Variants in EIF5B observed in about 807,000 individuals in gnomAD.
EIF5B encodes the protein eIF-5B.
A neutral mutation model predicts 147.5 loss-of-function variants in EIF5B; 47 were observed. That is an observed-to-expected ratio of 0.32 (90% CI 0.25 to 0.41). The LOEUF is 0.41. EIF5B is among the 10% of genes least tolerant of loss of function. The pLI is 1.00. For synonymous variants in EIF5B, 455 were observed against 456.2 expected, an observed-to-expected ratio of 1.00 and a Z score of 0.03; for missense variants, 1,064 against 1,413.2, an observed-to-expected ratio of 0.75 and a Z score of 3.96.
At chr2:99,351,570 G>C (rs1353634636) in intron 1 of EIF5B, among the ~76,000 whole-genome samples, 1 of 152,108 alleles carries the variant, frequency 6.6e-6, no homozygotes, top group East Asian at 1.9e-4. Flanking sequence ...TGCCATTTTT[G>C]CATTCCCTCT....
chr2:99,369,204 G>A (rs1011525319), intron 7 of EIF5B, among the ~76,000 whole-genome samples, 188 bp from the exon 8 acceptor site: 5 of 152,206 alleles, frequency 3.3e-5, no homozygotes, highest in African/African-American at 7.2e-5. Flanking sequence ...AACCCGGGAG[G>A]TGGAGGTTGC....
At chr2:99,381,959 A>AT (rs138559170) in intron 12 of EIF5B, among the ~76,000 whole-genome samples, 200 bp from the exon 13 acceptor site, 1,643 of 152,224 alleles carry the variant, frequency 0.011, 27 homozygotes, top group African/African-American at 0.036. Context: ...CTCATTTAGT[A>AT]TTTTTTTGTT....
chr2:99,390,241 A>T lies in EIF5B; in HGVS notation c.2426A>T (p.Tyr809Phe), dbSNP rs373903572. ...TAGGGTTTGAATGCTGCTTTGTTTT[A>T]TGAGAATAAAGATCCCCGCACTTTT... The part of the protein sequence containing the change: ...AQQGLNAALF[Y>F]ENKDPRTFVS... The change falls in exon 16 of 24, where the codon TAT becomes TTT. Residue 809 changes from tyrosine to phenylalanine, a missense_variant. By Grantham distance (22) the Tyr-to-Phe change is conservative. Around this residue, in one of 4 missense-constraint regions of EIF5B, gnomAD observed 380 missense variants for 715.6 expected, o/e 0.53. Coordinates refer to ENST00000289371, the MANE Select transcript of EIF5B (RefSeq NM_015904.4). The T allele has an allele frequency of 4.3e-6, 7 of 1,613,824 alleles. No individual in the cohort carries two copies. The African/African-American group carries it at 9.4e-5, about 22-fold the overall frequency.
At position 99,389,608 on chromosome 2, in the gene EIF5B, C is replaced by T; in HGVS notation, c.2272-110C>T. On this transcript the variant is annotated intron_variant, in intron 14 of 23. Coordinates refer to ENST00000289371, the MANE Select transcript of EIF5B (RefSeq NM_015904.4). ...TACAATAAAGTGTATGAGTAAGTCA[C>T]ACTGTTCTGTATATATGAGACACAC... is the stretch of plus-strand genomic sequence containing the variant. The T allele has an allele frequency of 6.7e-6, 5 of 747,090 alleles. No individual in the cohort carries two copies. In the South Asian group the frequency reaches 1.6e-4, roughly 23 times the overall value. The allele number at this position is 747,090 out of a possible 1,614,324, so 46.3% of individuals were successfully genotyped here.
chr2:99,376,724 C>T, intron 10 of EIF5B, 88 bp downstream of exon 10: 2 of 1,467,600 alleles, frequency 1.4e-6, no homozygotes. Context: ...CTTTGAACAG[C>T]ACTTTATGTA....
chr2:99,365,088 A>G (rs1405560010), intron 6 of EIF5B, among the ~76,000 whole-genome samples: 1 of 152,226 alleles, frequency 6.6e-6, no homozygotes. Flanking sequence ...TCCAATGAGA[A>G]GAATATATTG....
chr2:99,361,275 A>C lies in EIF5B; in HGVS notation c.374A>C (p.Lys125Thr). The change falls in exon 4 of 24, where the codon AAG becomes ACG. Residue 125 changes from lysine to threonine, a missense_variant. By Grantham distance (78) the Lys-to-Thr change is moderately conservative. Transcript: ENST00000289371. ...GAAGATAAAGATTCAAAATCAAAAAAGACTGCAAAACCGAAAGTGGAAATG... is the reference window on the plus strand; with the variant it reads ...GAAGATAAAGATTCAAAATCAAAAACGACTGCAAAACCGAAAGTGGAAATG... Reference protein sequence around the residue: ...ELEDKDSKSKKTAKPKVEMYS... With the variant: ...ELEDKDSKSKTTAKPKVEMYS... The C allele has an allele frequency of 6.2e-7, 1 of 1,613,006 alleles. No homozygotes were observed. The highest frequency in any genetic ancestry group is 2.2e-5 in the East Asian group (1 of 44,846).
chr2:99,342,965 T>TTTCC (rs1178328808), intron 1 of EIF5B, among the ~76,000 whole-genome samples: 1 of 151,182 alleles, frequency 6.6e-6, no homozygotes, highest in African/African-American at 2.4e-5. Flanking sequence ...TCTTTCTTTC[T>TTTCC]TTCTTTTTTT....
intron 1 of EIF5B, among the ~76,000 whole-genome samples, 171 bp from the exon 2 acceptor site, chr2:99,360,065 G>A (rs192142069): frequency 2.6e-5 from 4 of 152,318 alleles, no homozygotes; most frequent in Admixed American, 2.6e-4. Flanking sequence ...TGAAGCAGAT[G>A]TAGGGAGGCT....
intron 9 of EIF5B, 125 bp downstream of exon 9, chr2:99,371,855 T>G (rs1642214763): frequency 3.8e-6 from 3 of 788,420 alleles, no homozygotes; most frequent in African/African-American, 3.6e-5. Context: ...GGGATAAGTC[T>G]CTTGTTCTCT....
chr2:99,366,253 T>A (rs1449233562), intron 6 of EIF5B, among the ~76,000 whole-genome samples: 1 of 152,220 alleles, frequency 6.6e-6, no homozygotes, highest in East Asian at 1.9e-4. Context: ...GCAGCTTATT[T>A]GAGAGTCTGA....
intron 1 of EIF5B, chr2:99,338,370 C>T: frequency 7.8e-7 from 1 of 1,287,392 alleles, no homozygotes; most frequent in Non-Finnish European, 1.0e-6. Flanking sequence ...TTCTGTTACT[C>T]ATGATGGAAA....
rs3838583 is a variant in EIF5B at position 99,401,051 on chromosome 2, ATAAT to A, written c.*1641_*1644del. 0.039 allele frequency: 16,218 copies of A among 419,238 alleles called. 773 individuals are homozygous for A. Among genetic ancestry groups the A allele is most frequent in the Admixed American group, 0.15 (4,149 of 27,154 alleles). 26.0% of individuals were successfully genotyped at this position (419,238 alleles called of 1,614,324 possible). On this transcript the variant is annotated 3_prime_UTR_variant, in exon 24 of 24. Transcript: ENST00000289371. ...TAAATAGAATCTATGCTACAGTAAAATAATTAACACAATTATTTACATGCAATAC... is the reference window on the plus strand; with the variant it reads ...TAAATAGAATCTATGCTACAGTAAAATAACACAATTATTTACATGCAATAC...
chr2:99,376,304 C>CA, intron 9 of EIF5B, 43 bp from the exon 10 acceptor site: 1 of 1,214,350 alleles, frequency 8.2e-7, no homozygotes, highest in Non-Finnish European at 1.1e-6. Flanking sequence ...ATAAATCTAT[C>CA]ATATTAATGT....
chr2:99,355,370 A>G (rs1674072789), intron 1 of EIF5B, among the ~76,000 whole-genome samples: 1 of 152,138 alleles, frequency 6.6e-6, no homozygotes, highest in Admixed American at 6.5e-5. Context: ...AAACCTGTAT[A>G]TCATTTTAGG....
rs1369885909 is a variant in EIF5B, at chr2:99,393,008, G to C, written c.2790G>C (p.Gly930=). The C allele has an allele frequency of 2.5e-6, 4 of 1,583,146 alleles. No homozygotes were observed. Among genetic ancestry groups the C allele is most frequent in the Admixed American group, 1.8e-5 (1 of 55,746 alleles). The change falls in exon 18 of 24, where the codon GGG becomes GGC. Residue 930 remains glycine (G), a synonymous_variant. Transcript: ENST00000289371. ...EKHKEVEAAQ[G]VKILGKDLEK... ...ATAAAGAAGTAGAAGCAGCTCAGGG[G>C]GTAAAGATTCTTGGAAAAGACCTGG...
chr2:99,343,677 G>A (rs2094265901), intron 1 of EIF5B, among the ~76,000 whole-genome samples: 1 of 151,740 alleles, frequency 6.6e-6, no homozygotes, highest in African/African-American at 2.4e-5. Context: ...AGTCGGGTGT[G>A]GTAGCACGCG....
At position 99,390,395 on chromosome 2, in the gene EIF5B, G is replaced by A; in HGVS notation, c.2580G>A (p.Val860=). 1 of 1,607,210 alleles carries A rather than the reference G, an allele frequency of 6.2e-7. No individual in the cohort carries two copies. Among genetic ancestry groups the A allele is most frequent in the Non-Finnish European group, 8.5e-7 (1 of 1,177,866 alleles). Residue 860 remains valine (V), a synonymous_variant, in exon 16 of 24, where the codon GTG becomes GTA. Coordinates refer to ENST00000289371, the MANE Select transcript of EIF5B (RefSeq NM_015904.4). ...ACTGTGAAGAGCTGAGAGCACAGGT[G>A]ATGGAGGTAATGATCAACTTTTCAG... The part of the protein sequence containing the change: ...LAHCEELRAQ[V]MEVKALPGMG...
At chr2:99,366,887 GATAA>G (rs1308011821) in intron 6 of EIF5B, among the ~76,000 whole-genome samples, 2 of 152,168 alleles carry the variant, frequency 1.3e-5, no homozygotes, top group African/African-American at 2.4e-5. Flanking sequence ...TAGACAAACA[GATAA>G]ATAGTCTATA....
Sources: allele counts gnomAD v4.1 joint callset (sites outside exome capture counted in the v4.1 genomes callset), GRCh38; gene constraint gnomAD v4.1.1; regional missense constraint gnomAD v4.1.1; transcripts MANE v1.5; gene names NCBI Gene and HGNC (gene_info 2026-07-23, HGNC 2026-07-21).